Variants in CYRIA observed in about 807,000 individuals in gnomAD.
The protein encoded by CYRIA is CYFIP-related Rac1 interactor A.
CYRIA carries 15 observed loss-of-function variants against 43.9 expected under a neutral mutation model. The ratio of observed to expected loss-of-function variants is 0.34; its 90% CI spans 0.23 to 0.53. The LOEUF is 0.53. Ranked by LOEUF, CYRIA falls within the 20% of genes least tolerant of loss-of-function variation. CYRIA has a pLI of 0.94. For synonymous variants in CYRIA, 117 were observed against 136.0 expected, an observed-to-expected ratio of 0.86 and a Z score of 0.97; for missense variants, 236 against 394.2, an observed-to-expected ratio of 0.60 and a Z score of 3.40.
At chr2:16,601,127 T>C (rs868359010) in intron 2 of CYRIA, among the ~76,000 whole-genome samples, 1 of 152,316 alleles carries the variant, frequency 6.6e-6, no homozygotes, top group South Asian at 2.1e-4. Context: ...GGGTTGGCTC[T>C]ACACTAGTGC....
Position 16,639,179 on chromosome 2 carries a change from G to A in CYRIA, c.-166-15160C>T, listed in dbSNP as rs1042695950. On this transcript the variant is annotated intron_variant, in intron 1 of 11. Coordinates refer to ENST00000381323, the MANE Select transcript of CYRIA (RefSeq NM_030797.4). The stretch of plus-strand genomic sequence containing the variant: ...CAGCAATGCACTCTGGTAATCGCTC[G>A]TCCTCGTCTCCCATGTTCTGGGCTA... Among the ~76,000 whole-genome samples, 23 of 152,292 alleles carry A rather than the reference G, an allele frequency of 1.5e-4. No homozygotes were observed. The South Asian group carries it at 4.1e-3, about 27-fold the overall frequency.
At chr2:16,587,279 T>G (rs1667764090) in intron 3 of CYRIA, among the ~76,000 whole-genome samples, 1 of 152,164 alleles carries the variant, frequency 6.6e-6, no homozygotes, top group South Asian at 2.1e-4. Flanking sequence ...TTACTGTCCT[T>G]AGTACTTTCT....
intron 3 of CYRIA, among the ~76,000 whole-genome samples, chr2:16,572,651 AATAGGTCAAC>A (rs1390935016): frequency 1.3e-5 from 2 of 152,224 alleles, no homozygotes; most frequent in Non-Finnish European, 2.9e-5. Context: ...CTATATTCTG[AATAGGTCAAC>A]ATAGTCAGAG....
At chr2:16,627,234 C>T (rs556383786) in intron 1 of CYRIA, among the ~76,000 whole-genome samples, 1 of 151,760 alleles carries the variant, frequency 6.6e-6, no homozygotes, top group South Asian at 2.1e-4. Flanking sequence ...TACGGGAGGC[C>T]GAAAGGGCCC....
intron 2 of CYRIA, among the ~76,000 whole-genome samples, chr2:16,591,722 A>G (rs1283274813): frequency 6.6e-6 from 1 of 151,998 alleles, no homozygotes; most frequent in East Asian, 1.9e-4. Flanking sequence ...ATTTTTCCCT[A>G]TGGTGTGAGA....
At chr2:16,573,676 G>C (rs1274801396) in intron 3 of CYRIA, among the ~76,000 whole-genome samples, 2 of 152,182 alleles carry the variant, frequency 1.3e-5, no homozygotes, top group Non-Finnish European at 2.9e-5. Flanking sequence ...TAAGTCTCAT[G>C]AGATCTGATG....
chr2:16,561,868 A>G (rs937756276), intron 6 of CYRIA, 137 bp downstream of exon 6: 4 of 810,914 alleles, frequency 4.9e-6, no homozygotes, highest in East Asian at 2.6e-5. Context: ...TTCTCACCAC[A>G]TTATATGTCT....
chr2:16,642,345 T>A (rs1404645224), intron 1 of CYRIA, among the ~76,000 whole-genome samples: 2 of 152,316 alleles, frequency 1.3e-5, no homozygotes, highest in East Asian at 3.9e-4. Context: ...ATCCTTCTAG[T>A]TGCTAGGACA....
chr2:16,624,313 G>T (rs756107462), intron 1 of CYRIA, among the ~76,000 whole-genome samples: 94 of 152,290 alleles, frequency 6.2e-4, no homozygotes, highest in Non-Finnish European at 9.4e-4. Context: ...ACATGGTCAG[G>T]CTGACTTCTC....
chr2:16,640,342 C>G (rs1669637303), intron 1 of CYRIA, among the ~76,000 whole-genome samples: 1 of 152,250 alleles, frequency 6.6e-6, no homozygotes, highest in Admixed American at 6.5e-5. Context: ...CCCTCCCCCA[C>G]AGCGCTAGGG....
chr2:16,561,308 A>G (rs375455280), intron 7 of CYRIA, 31 bp from the exon 8 acceptor site: 12 of 1,554,968 alleles, frequency 7.7e-6, no homozygotes, highest in Non-Finnish European at 8.9e-7. Context: ...AGATGGATTT[A>G]TAAAGAGAAA....
At chr2:16,599,686 C>CGTCT (rs1279031134) in intron 2 of CYRIA, among the ~76,000 whole-genome samples, 2 of 151,062 alleles carry the variant, frequency 1.3e-5, no homozygotes, top group African/African-American at 4.9e-5. Context: ...AGAAATCACC[C>CGTCT]GTCTTCTGCG....
chr2:16,610,393 T>G (rs929283513), intron 2 of CYRIA, among the ~76,000 whole-genome samples: 3 of 152,226 alleles, frequency 2.0e-5, no homozygotes, highest in African/African-American at 7.2e-5. Flanking sequence ...GAAAATGGCT[T>G]AAGACATGGC....
intron 3 of CYRIA, among the ~76,000 whole-genome samples, chr2:16,585,211 G>C (rs1461497799): frequency 6.6e-6 from 1 of 152,054 alleles, no homozygotes; most frequent in Non-Finnish European, 1.5e-5. Flanking sequence ...TTAGGAAATA[G>C]GATTTTCAGG....
chr2:16,569,043 G>T (rs1572464752), intron 3 of CYRIA, among the ~76,000 whole-genome samples: 3 of 152,168 alleles, frequency 2.0e-5, no homozygotes, highest in Non-Finnish European at 2.9e-5. Context: ...GTTTCTGATA[G>T]GGTGGCCTGA....
At chr2:16,602,364 A>AT (rs200880691) in intron 2 of CYRIA, among the ~76,000 whole-genome samples, 48 of 149,220 alleles carry the variant, frequency 3.2e-4, no homozygotes, top group Admixed American at 1.1e-3. Flanking sequence ...GACTCATCCA[A>AT]TTTTTTTTTT....
At chr2:16,641,788 G>A (rs1034027794) in intron 1 of CYRIA, among the ~76,000 whole-genome samples, 4 of 152,244 alleles carry the variant, frequency 2.6e-5, no homozygotes, top group African/African-American at 9.6e-5. Flanking sequence ...GGCATGCAAA[G>A]GAGGCAGGCT....
intron 3 of CYRIA, among the ~76,000 whole-genome samples, chr2:16,573,521 A>C (rs1189630721): frequency 6.6e-6 from 1 of 152,234 alleles, no homozygotes; most frequent in Non-Finnish European, 1.5e-5. Flanking sequence ...TCAATGAAGC[A>C]CATTTATCAA....
At position 16,560,798 on chromosome 2, in the gene CYRIA, C is replaced by T. The variant is rs1572456201; in HGVS notation, c.710+192G>A. 6.7e-6 allele frequency: 4 copies of T among 598,968 alleles called. No homozygotes were observed. In the East Asian group the frequency reaches 1.1e-4, roughly 17 times the overall value. The allele number at this position is 598,968 out of a possible 1,614,324, so 37.1% of individuals were successfully genotyped here. On this transcript the variant is annotated intron_variant, in intron 9 of 11. Transcript: ENST00000381323. Reference sequence around the variant, plus strand: ...TGGGAAGTCAGTCAACCACTTTGGGCCTCAGCTTCTTCAGCTATGCAGTAG... The same window carrying T: ...TGGGAAGTCAGTCAACCACTTTGGGTCTCAGCTTCTTCAGCTATGCAGTAG...
Sources: gnomAD v4.1 joint callset for allele counts (sites outside exome capture counted in the v4.1 genomes callset) on GRCh38, gnomAD v4.1.1 for gene constraint, MANE v1.5 for transcripts, NCBI Gene and HGNC (gene_info 2026-07-23, HGNC 2026-07-21) for gene names.